ZNF385D: variants seen among roughly 807,000 people sequenced by gnomAD.
ZNF385D encodes the protein zinc finger protein 385D.
ZNF385D carries 15 observed loss-of-function variants against 35.8 expected under a neutral mutation model. The ratio of observed to expected loss-of-function variants is 0.42; its 90% CI spans 0.28 to 0.64. The LOEUF is 0.64. ZNF385D is among the 30% of genes least tolerant of loss of function. ZNF385D has a pLI of 0.23. For missense variants in ZNF385D, 474 were observed against 494.6 expected (o/e 0.96, Z 0.39); for synonymous variants, 212 against 186.8 (o/e 1.13, Z -1.10).
At chr3:22,338,698 ATTTTT>A (rs562729331) in intron 2 of ZNF385D, among the ~76,000 whole-genome samples, 1 of 125,432 alleles carries the variant, frequency 8.0e-6, no homozygotes. Context: ...TATTCATCTC[ATTTTT>A]TTTTTTTTTT....
chr3:22,035,628 A>G (rs1277800182), intron 3 of ZNF385D, among the ~76,000 whole-genome samples: 1 of 152,210 alleles, frequency 6.6e-6, no homozygotes, highest in East Asian at 1.9e-4. Flanking sequence ...GAGAAAGTTA[A>G]GTAGCCAGAT....
At chr3:21,945,848 A>C in intron 3 of ZNF385D, among the ~76,000 whole-genome samples, 1 of 152,330 alleles carries the variant, frequency 6.6e-6, no homozygotes. Context: ...TTTATACTGG[A>C]AACATAAGTA....
chr3:21,977,266 G>A (rs1703688452), intron 3 of ZNF385D, among the ~76,000 whole-genome samples: 1 of 152,072 alleles, frequency 6.6e-6, no homozygotes. Flanking sequence ...GAAATCCATT[G>A]AACTGTACAC....
At chr3:22,367,597 A>ATTT (rs11391880) in intron 2 of ZNF385D, among the ~76,000 whole-genome samples, 5 of 150,798 alleles carry the variant, frequency 3.3e-5, no homozygotes, top group Admixed American at 6.6e-5. Context: ...TAAAATCTAG[A>ATTT]TTTTTTTTTT....
intron 3 of ZNF385D, among the ~76,000 whole-genome samples, chr3:22,104,947 G>C (rs1370830293): frequency 2.0e-5 from 3 of 152,146 alleles, no homozygotes; most frequent in African/African-American, 2.4e-5. Flanking sequence ...GAAGCTTGTT[G>C]CAACTTGCCA....
chr3:21,648,791 G>C (rs879352182), intron 2 of ZNF385D, among the ~76,000 whole-genome samples: 4 of 152,178 alleles, frequency 2.6e-5, no homozygotes, highest in Non-Finnish European at 5.9e-5. Flanking sequence ...GACAAGTACA[G>C]TATTACTAAG....
At chr3:21,726,895 G>C (rs752687878) in intron 1 of ZNF385D, among the ~76,000 whole-genome samples, 1 of 152,122 alleles carries the variant, frequency 6.6e-6, no homozygotes, top group Non-Finnish European at 1.5e-5. Context: ...CAAAGCTGGA[G>C]ACATTACCCT....
At chr3:21,926,157 T>C (rs1229072405) in intron 3 of ZNF385D, among the ~76,000 whole-genome samples, 2 of 152,076 alleles carry the variant, frequency 1.3e-5, no homozygotes. Context: ...TTTTATACTT[T>C]AAGTTCTGGA....
chr3:22,078,394 C>T (rs1483895542), intron 3 of ZNF385D, among the ~76,000 whole-genome samples: 2 of 152,002 alleles, frequency 1.3e-5, no homozygotes, highest in African/African-American at 2.4e-5. Flanking sequence ...GAAAATGATC[C>T]AACCATGCAG....
intron 4 of ZNF385D, among the ~76,000 whole-genome samples, chr3:21,466,977 C>T (rs778403021): frequency 6.6e-6 from 1 of 152,104 alleles, no homozygotes; most frequent in Non-Finnish European, 1.5e-5. Context: ...TTTTCTAAAT[C>T]CTTAGTCTAT....
chr3:21,682,716 G>A (rs1250746735), intron 1 of ZNF385D, among the ~76,000 whole-genome samples: 1 of 149,768 alleles, frequency 6.7e-6, no homozygotes, highest in Non-Finnish European at 1.5e-5. Flanking sequence ...TTCCTGAGCA[G>A]GAGAAGACAA....
At chr3:21,944,079 G>A (rs1240499636) in intron 3 of ZNF385D, among the ~76,000 whole-genome samples, 2 of 152,130 alleles carry the variant, frequency 1.3e-5, no homozygotes, top group African/African-American at 4.8e-5. Context: ...ATTTTCAGCT[G>A]TATTGTACTT....
At chr3:22,199,806 T>A (rs757125072) in intron 2 of ZNF385D, among the ~76,000 whole-genome samples, 3 of 152,090 alleles carry the variant, frequency 2.0e-5, no homozygotes, top group Non-Finnish European at 4.4e-5. Context: ...ACAAAATATA[T>A]GCATATATGT....
intron 4 of ZNF385D, among the ~76,000 whole-genome samples, chr3:21,476,558 ATGTG>A (rs138334432): frequency 6.6e-6 from 1 of 150,726 alleles, no homozygotes; most frequent in South Asian, 2.1e-4. Flanking sequence ...AGGGTGGGGT[ATGTG>A]TGTGTGTGTG....
chr3:21,642,103 C>G (rs138747791), intron 2 of ZNF385D, among the ~76,000 whole-genome samples: 3 of 152,050 alleles, frequency 2.0e-5, no homozygotes, highest in Non-Finnish European at 4.4e-5. Context: ...ATTTTCACAC[C>G]CTATGCAAAT....
At chr3:21,876,837 C>T (rs1466879263) in intron 3 of ZNF385D, among the ~76,000 whole-genome samples, 2 of 152,058 alleles carry the variant, frequency 1.3e-5, no homozygotes, top group Non-Finnish European at 2.9e-5. Flanking sequence ...GCATTAGCTT[C>T]TGTCTAAATG....
At chr3:21,467,245 T>C (rs1176726863) in intron 4 of ZNF385D, among the ~76,000 whole-genome samples, 1 of 152,216 alleles carries the variant, frequency 6.6e-6, no homozygotes, top group East Asian at 1.9e-4. Flanking sequence ...TTCCATAAAC[T>C]TTTTCAAAAT....
chr3:21,779,681 A>T (rs1295301595), intron 3 of ZNF385D, among the ~76,000 whole-genome samples: 1 of 152,012 alleles, frequency 6.6e-6, no homozygotes, highest in Non-Finnish European at 1.5e-5. Flanking sequence ...TCACTTTACA[A>T]ATGTAAGTTC....
rs144771341 is a variant in ZNF385D, at chr3:22,082,316, A to C, written c.325+86501T>G. On this transcript the variant is annotated intron_variant, in intron 3 of 5. Transcript: ENST00000494108. Reference sequence around the variant, plus strand: ...TCCTAGCCAAGGGAAGCCATGACAGACAGTACCTGGAAAATTGGGACACTT... The same window carrying C: ...TCCTAGCCAAGGGAAGCCATGACAGCCAGTACCTGGAAAATTGGGACACTT... Among the ~76,000 whole-genome samples the C allele has an allele frequency of 3.7e-3, 564 of 152,256 alleles. 5 individuals are homozygous for C. Among genetic ancestry groups the C allele is most frequent in the African/African-American group, 0.012 (484 of 41,570 alleles).
Sources: gnomAD v4.1 joint callset for allele counts (sites outside exome capture counted in the v4.1 genomes callset) on GRCh38, gnomAD v4.1.1 for gene constraint, MANE v1.5 for transcripts, NCBI Gene and HGNC (gene_info 2026-07-23, HGNC 2026-07-21) for gene names.